The following BRAF variants were observed in gnomAD, a reference collection of about 807,000 sequenced individuals.
The protein encoded by BRAF is serine/threonine-protein kinase B-raf.
In BRAF, 16 loss-of-function variants were observed where a neutral mutation model predicts 104.6. The ratio of observed to expected loss-of-function variants is 0.15; its 90% CI spans 0.10 to 0.23. BRAF has a LOEUF of 0.23. Ranked by LOEUF, BRAF falls within the 10% of genes least tolerant of loss-of-function variation. The pLI is 1.00. For synonymous variants in BRAF, 310 were observed against 341.6 expected, an observed-to-expected ratio of 0.91 and a Z score of 1.02; for missense variants, 541 against 937.3, an observed-to-expected ratio of 0.58 and a Z score of 5.52.
Position 140,720,438 on chromosome 7 carries a change from C to G in BRAF, c.*6056G>C. 9.4e-7 allele frequency: 1 copy of G among 1,063,120 alleles called. No individual in the cohort carries two copies. The highest frequency in any genetic ancestry group is 1.1e-6 in the Non-Finnish European group (1 of 878,048). The allele number at this position is 1,063,120 out of a possible 1,614,324, so 65.9% of individuals were successfully genotyped here. On this transcript the variant is annotated 3_prime_UTR_variant, in exon 20 of 20. Transcript: ENST00000644969. ...ATAAATAAGACATAAAGGCTAGCCA[C>G]TTACGTTGGTCATTAACATGAATAA...
chr7:140,875,420 G>A (rs1812119457), intron 1 of BRAF, among the ~76,000 whole-genome samples: 1 of 152,202 alleles, frequency 6.6e-6, no homozygotes, highest in Non-Finnish European at 1.5e-5. Flanking sequence ...CTGTCGCCCA[G>A]GCTGGAGTAC....
chr7:140,721,900 C>A lies in BRAF; in HGVS notation c.*4594G>T. 1.6e-6 allele frequency: 2 copies of A among 1,255,116 alleles called. No homozygotes were observed. The highest frequency in any genetic ancestry group is 6.3e-5 in the East Asian group (2 of 31,936). 77.7% of individuals were successfully genotyped at this position (1,255,116 alleles called of 1,614,324 possible). A position where few individuals can be genotyped will look rare whatever the true frequency, so the allele number is the denominator to read the frequency against. On this transcript the variant is annotated 3_prime_UTR_variant, in exon 20 of 20. Transcript: ENST00000644969. Reference sequence around the variant, plus strand: ...AGTCCAGCTTCATGTGCAATCAAGTCCCGGGAAGAAATTTACATTTCAAAC... The same window carrying A: ...AGTCCAGCTTCATGTGCAATCAAGTACCGGGAAGAAATTTACATTTCAAAC...
chr7:140,794,295 G>A lies in BRAF; in HGVS notation c.1140+13C>T, dbSNP rs747437975. 3 of 1,613,416 alleles carry A rather than the reference G, an allele frequency of 1.9e-6. No homozygotes were observed. Among genetic ancestry groups the A allele is most frequent in the Admixed American group, 3.3e-5 (2 of 60,002 alleles). ...TTGGTTTTTTTTTAGTTCTAGCAAT[G>A]CTGGATACTTACATCAATATTGACA... On this transcript the variant is annotated intron_variant, in intron 8 of 19. Transcript: ENST00000644969.
intron 3 of BRAF, among the ~76,000 whole-genome samples, chr7:140,812,092 T>C (rs1804332244): frequency 6.6e-6 from 1 of 152,072 alleles, no homozygotes; most frequent in Non-Finnish European, 1.5e-5. Flanking sequence ...TTCTTTTTTA[T>C]CTTTGTTTTT....
intron 1 of BRAF, among the ~76,000 whole-genome samples, chr7:140,901,840 A>G (rs764944600): frequency 2.6e-5 from 4 of 152,224 alleles, no homozygotes; most frequent in Non-Finnish European, 4.4e-5. Context: ...CTTTCATCAC[A>G]GTACACTGTC....
chr7:140,800,015 T>C, intron 7 of BRAF: 1 of 404,724 alleles, frequency 2.5e-6, no homozygotes, highest in Non-Finnish European at 4.6e-6. Flanking sequence ...TAAAATAAGT[T>C]ATTTGGGGAA....
intron 1 of BRAF, among the ~76,000 whole-genome samples, chr7:140,913,469 C>CTTTTTTTTTTTTTTT (rs369746551): frequency 1.8e-5 from 1 of 56,998 alleles, no homozygotes; most frequent in Non-Finnish European, 2.9e-5. Context: ...TTAATCACAG[C>CTTTTTTTTTTTTTTT]TTTTTTTTTT....
rs143150242 is a variant in BRAF, at chr7:140,742,257, T to C, written c.2113-2311A>G. Among the ~76,000 whole-genome samples, 69 of 151,348 alleles carry C rather than the reference T, an allele frequency of 4.6e-4. No individual in the cohort carries two copies. In the East Asian group the frequency reaches 0.013, roughly 29 times the overall value. On this transcript the variant is annotated intron_variant, in intron 17 of 19. Coordinates refer to ENST00000644969, the MANE Select transcript of BRAF (RefSeq NM_001374258.1). ...CCCAGGCTAGAGTGTAGTGGTGTGA[T>C]CTCGGCTCACTGCAACCTCCCCTTC... is the stretch of plus-strand genomic sequence containing the variant.
intron 1 of BRAF, among the ~76,000 whole-genome samples, chr7:140,856,115 A>G (rs1185495737): frequency 6.7e-6 from 1 of 148,762 alleles, no homozygotes. Context: ...ATATAATAGT[A>G]TATATAAATA....
At position 140,909,401 on chromosome 7, in the gene BRAF, A is replaced by G. The variant is rs184821841; in HGVS notation, c.138+15165T>C. Among the ~76,000 whole-genome samples the G allele has an allele frequency of 2.6e-5, 4 of 152,334 alleles. No individual in the cohort carries two copies. In the East Asian group the frequency reaches 7.7e-4, roughly 29 times the overall value. On this transcript the variant is annotated intron_variant, in intron 1 of 19. Coordinates refer to ENST00000644969, the MANE Select transcript of BRAF (RefSeq NM_001374258.1). ...CCATTGTACTCCACCCTGGGCAATA[A>G]GAGCAAAACTCCGTCACAAAAATAA...
At chr7:140,800,111 A>G in intron 7 of BRAF, 1 of 531,454 alleles carries the variant, frequency 1.9e-6, no homozygotes, top group Non-Finnish European at 3.3e-6. Flanking sequence ...GAAGCATGTC[A>G]CTGAAGAGCA....
Position 140,904,265 on chromosome 7 carries a change from A to G in BRAF, c.138+20301T>C, listed in dbSNP as rs545202982. Among the ~76,000 whole-genome samples, 16 of 152,318 alleles carry G rather than the reference A, an allele frequency of 1.1e-4. No homozygotes were observed. The South Asian group carries it at 1.5e-3, about 14-fold the overall frequency. On this transcript the variant is annotated intron_variant, in intron 1 of 19. Transcript: ENST00000644969. ...ATCCTTCAGTAACCACCAGGGATGAACCAGCAGCCATCAACATCGAGGCAA... is the reference window on the plus strand; with the variant it reads ...ATCCTTCAGTAACCACCAGGGATGAGCCAGCAGCCATCAACATCGAGGCAA...
At chr7:140,802,550 G>C (rs567409662) in intron 5 of BRAF, among the ~76,000 whole-genome samples, 2 of 152,024 alleles carry the variant, frequency 1.3e-5, no homozygotes, top group South Asian at 4.2e-4. Context: ...CGTCTGCCTA[G>C]GCCTCCTCAA....
chr7:140,844,644 G>A (rs1469246692), intron 2 of BRAF, among the ~76,000 whole-genome samples: 5 of 152,190 alleles, frequency 3.3e-5, no homozygotes, highest in African/African-American at 9.7e-5. Context: ...TTCACATGGA[G>A]GCTGAGCACA....
At chr7:140,876,324 A>T (rs1203985927) in intron 1 of BRAF, among the ~76,000 whole-genome samples, 1 of 152,220 alleles carries the variant, frequency 6.6e-6, no homozygotes, top group African/African-American at 2.4e-5. Context: ...AGAGTTAAGA[A>T]TTTTTAAGCC....
rs745563254 is a variant in BRAF at position 140,850,064 on chromosome 7, A to AT, written c.240+46dup. The AT allele has an allele frequency of 1.2e-4, 159 of 1,356,938 alleles. 1 individual carries two copies. The highest frequency in any genetic ancestry group is 2.5e-4 in the Middle Eastern group (1 of 3,960). 84.1% of individuals were successfully genotyped at this position (1,356,938 alleles called of 1,614,324 possible). A position where few individuals can be genotyped will look rare whatever the true frequency, so the allele number is the denominator to read the frequency against. ...TCAGTACAAATGTTTTTATAAGTTCATTTTTTTTCTTTTCAAAATTACTAG... is the reference window on the plus strand; with the variant it reads ...TCAGTACAAATGTTTTTATAAGTTCATTTTTTTTTCTTTTCAAAATTACTAG... On this transcript the variant is annotated intron_variant, in intron 2 of 19. Coordinates refer to ENST00000644969, the MANE Select transcript of BRAF (RefSeq NM_001374258.1).
chr7:140,734,473 C>T, intron 19 of BRAF: 2 of 1,591,160 alleles, frequency 1.3e-6, no homozygotes, highest in African/African-American at 1.3e-5. Context: ...TTTAACCACA[C>T]AAGTGTTCTT....
intron 1 of BRAF, among the ~76,000 whole-genome samples, chr7:140,884,917 AT>A (rs758996819): frequency 9.8e-5 from 15 of 152,342 alleles, no homozygotes; most frequent in African/African-American, 3.1e-4. Context: ...AATGAAAAAA[AT>A]AACCACATTT....
intron 2 of BRAF, among the ~76,000 whole-genome samples, chr7:140,843,192 G>C (rs780322637): frequency 1.3e-4 from 20 of 152,160 alleles, no homozygotes; most frequent in Non-Finnish European, 2.4e-4. Flanking sequence ...TCTAGTCAAT[G>C]AGATATAAAA....
Sources: gnomAD v4.1 joint callset for allele counts (sites outside exome capture counted in the v4.1 genomes callset) on GRCh38, gnomAD v4.1.1 for gene constraint, MANE v1.5 for transcripts, NCBI Gene and HGNC (gene_info 2026-07-23, HGNC 2026-07-21) for gene names.